The following ACOX3 variants were observed in gnomAD, a reference collection of about 807,000 sequenced individuals.
ACOX3 encodes the protein peroxisomal acyl-coenzyme A oxidase 3.
Under a neutral mutation model 81.5 loss-of-function variants are expected in ACOX3, and 73 were observed. The ratio of observed to expected loss-of-function variants is 0.90; its 90% CI spans 0.74 to 1.09. ACOX3 has a LOEUF of 1.09. Ranked by LOEUF, ACOX3 falls within the 50% of genes least tolerant of loss-of-function variation. ACOX3 has a pLI of 0.00. For synonymous variants in ACOX3, 387 were observed against 375.1 expected, an observed-to-expected ratio of 1.03 and a Z score of -0.37; for missense variants, 947 against 928.0, an observed-to-expected ratio of 1.02 and a Z score of -0.27.
chr4:8,368,284 T>C lies in ACOX3; in HGVS notation c.1984-1204A>G, dbSNP rs748484302. ...CAGACTTCACTGCTCTCAGCCTAAG[T>C]GGCCTCACTGGGAAGATGGGGAGAG... is the stretch of plus-strand genomic sequence containing the variant. On this transcript the variant is annotated intron_variant, in intron 17 of 17. Transcript: ENST00000356406. This position sits in a 1 kb window ranked among gnomAD's most constrained non-coding sequence, Gnocchi z 5.9. 3.9e-4 allele frequency among the ~76,000 whole-genome samples: 59 copies of C among 152,274 alleles called. 1 individual carries two copies. The highest frequency in any genetic ancestry group is 8.4e-4 in the African/African-American group (35 of 41,576).
At chr4:8,358,945 T>C in the ACOX3 span, among the ~76,000 whole-genome samples, 1 of 152,172 alleles carries the variant, frequency 6.6e-6, no homozygotes, top group Non-Finnish European at 1.5e-5. Flanking sequence ...CTGAATTCTT[T>C]CTTGCGTGAG....
chr4:8,382,017 G>A lies in ACOX3; in HGVS notation c.1538-410C>T, dbSNP rs1230958692. Among the ~76,000 whole-genome samples, 1 of 152,262 alleles carries A rather than the reference G, an allele frequency of 6.6e-6. No homozygotes were observed. The highest frequency in any genetic ancestry group is 1.5e-5 in the Non-Finnish European group (1 of 68,046). ...GACTGCATGGGCAGCAGGACAACTG[G>A]CCGGCGGTGGCGCCCAGTGGCGAGA... On this transcript the variant is annotated intron_variant, in intron 13 of 17. Transcript: ENST00000356406. This position sits in a 1 kb window ranked among gnomAD's most constrained non-coding sequence, Gnocchi z 4.1.
rs180750325 is a variant in ACOX3, at chr4:8,430,325, G to A, written c.-15+10323C>T. Among the ~76,000 whole-genome samples, 7 of 152,268 alleles carry A rather than the reference G, an allele frequency of 4.6e-5. No homozygotes were observed. Among genetic ancestry groups the A allele is most frequent in the Non-Finnish European group, 8.8e-5 (6 of 68,018 alleles). ...GTCTAGACTAGCCTTCCCAGCCAGG[G>A]GTCTATTGTGTTTTTGCAAAGGTCC... On this transcript the variant is annotated intron_variant, in intron 1 of 17. Coordinates refer to ENST00000356406, the MANE Select transcript of ACOX3 (RefSeq NM_003501.3). The surrounding 1 kb of genome is among the most constrained non-coding windows in gnomAD (Gnocchi z 5.2).
At chr4:8,395,637 TG>T (rs1245833899) in intron 9 of ACOX3, among the ~76,000 whole-genome samples, 1 of 152,218 alleles carries the variant, frequency 6.6e-6, no homozygotes, top group Non-Finnish European at 1.5e-5. Context: ...GGACCTTGCC[TG>T]GGGGCACACA....
At chr4:8,372,558 C>G (rs1716349715) in intron 16 of ACOX3, among the ~76,000 whole-genome samples, 1 of 152,236 alleles carries the variant, frequency 6.6e-6, no homozygotes, top group East Asian at 1.9e-4. Context: ...GAAAACCCCT[C>G]CCTGTGGCCA....
rs1184982678 is a variant in ACOX3, at chr4:8,368,432, A to G, written c.1984-1352T>C. ...TCTCCAGGGCCTGGGGAGGTGGTCT[A>G]TTGTGTATCCAGCTTACGCTGACCC... is the stretch of plus-strand genomic sequence containing the variant. On this transcript the variant is annotated intron_variant, in intron 17 of 17. Coordinates refer to ENST00000356406, the MANE Select transcript of ACOX3 (RefSeq NM_003501.3). The surrounding 1 kb of genome is among the most constrained non-coding windows in gnomAD (Gnocchi z 5.9). Among the ~76,000 whole-genome samples the G allele has an allele frequency of 1.3e-5, 2 of 152,208 alleles. No individual in the cohort carries two copies. The highest frequency in any genetic ancestry group is 2.9e-5 in the Non-Finnish European group (2 of 68,038).
chr4:8,424,125 G>T (rs1723223808), intron 1 of ACOX3, among the ~76,000 whole-genome samples: 1 of 152,198 alleles, frequency 6.6e-6, no homozygotes, highest in South Asian at 2.1e-4. Flanking sequence ...AGCCTATACT[G>T]GCTTATCCTT....
At chr4:8,371,610 C>T (rs73085873) in intron 16 of ACOX3, among the ~76,000 whole-genome samples, 11,020 of 152,336 alleles carry the variant, frequency 0.072, 933 homozygotes, top group African/African-American at 0.21. Context: ...GGAGACACCG[C>T]TAATGATATG....
At chr4:8,434,247 T>TA (rs1214408120) in intron 1 of ACOX3, among the ~76,000 whole-genome samples, 2 of 152,248 alleles carry the variant, frequency 1.3e-5, no homozygotes, top group African/African-American at 4.8e-5. Context: ...TGTAAGCCTT[T>TA]AAACAGGCCA....
chr4:8,439,295 C>G (rs113712428), intron 1 of ACOX3: 2 of 152,182 alleles, frequency 1.3e-5, no homozygotes, highest in Non-Finnish European at 2.9e-5. Context: ...GCAACAATTC[C>G]GAGTCTTTAA....
the ACOX3 span, chr4:8,356,524 A>C: frequency 6.7e-6 from 3 of 449,984 alleles, no homozygotes; most frequent in African/African-American, 6.0e-5. Context: ...TAAGTGGAAA[A>C]AGATGTCCAC....
At chr4:8,424,569 T>C (rs1434563435) in intron 1 of ACOX3, among the ~76,000 whole-genome samples, 2 of 152,214 alleles carry the variant, frequency 1.3e-5, no homozygotes, top group Admixed American at 6.5e-5. Context: ...GAGATCTTAC[T>C]GTGTGGATGT....
intron 7 of ACOX3, among the ~76,000 whole-genome samples, chr4:8,402,920 C>T (rs1720527657): frequency 1.3e-5 from 2 of 152,166 alleles, no homozygotes; most frequent in Non-Finnish European, 2.9e-5. Context: ...CCTGGAAGGG[C>T]CCCCCAAGCC....
At chr4:8,408,476 C>T (rs957713168) in intron 6 of ACOX3, among the ~76,000 whole-genome samples, 2 of 152,098 alleles carry the variant, frequency 1.3e-5, no homozygotes, top group Non-Finnish European at 2.9e-5. Context: ...CACAATCCTG[C>T]GGAGTGTTTT....
intron 7 of ACOX3, among the ~76,000 whole-genome samples, chr4:8,402,713 T>A (rs1720504099): frequency 6.6e-6 from 1 of 152,226 alleles, no homozygotes; most frequent in Admixed American, 6.5e-5. Flanking sequence ...GCGGGAGACG[T>A]GTGCGTGTGT....
At chr4:8,415,456 TA>T (rs1399823554) in intron 3 of ACOX3, among the ~76,000 whole-genome samples, 412 of 134,872 alleles carry the variant, frequency 3.1e-3, no homozygotes, top group Middle Eastern at 3.9e-3. Flanking sequence ...TTGTATGAGG[TA>T]AAAAAAAAAA....
intron 13 of ACOX3, among the ~76,000 whole-genome samples, chr4:8,383,688 A>G (rs1487094779): frequency 6.6e-6 from 1 of 152,156 alleles, no homozygotes; most frequent in African/African-American, 2.4e-5. Context: ...TGCTGCTGGC[A>G]GGCTGCCCAG....
Position 8,382,953 on chromosome 4 carries a change from T to C in ACOX3, c.1538-1346A>G, listed in dbSNP as rs1717866774. Among the ~76,000 whole-genome samples the C allele has an allele frequency of 7.3e-6, 1 of 136,296 alleles. No homozygotes were observed. Among genetic ancestry groups the C allele is most frequent in the African/African-American group, 2.8e-5 (1 of 35,792 alleles). 89.4% of individuals were successfully genotyped at this position (136,296 alleles called of 152,430 possible). A position where few individuals can be genotyped will look rare whatever the true frequency, so the allele number is the denominator to read the frequency against. On this transcript the variant is annotated intron_variant, in intron 13 of 17. Transcript: ENST00000356406. The surrounding 1 kb of genome is among the most constrained non-coding windows in gnomAD (Gnocchi z 4.1). ...TTGCAGTGAGCCGAGATCGCGCCAC[T>C]GCACTCCAGCCTGGGCGACAGAGCG...
chr4:8,375,673 C>G (rs1397524750), intron 14 of ACOX3, among the ~76,000 whole-genome samples: 3 of 152,264 alleles, frequency 2.0e-5, no homozygotes, highest in African/African-American at 4.8e-5. Flanking sequence ...TCCCTCTCCC[C>G]CTGCCGTAAG....
Sources: allele counts gnomAD v4.1 joint callset (sites outside exome capture counted in the v4.1 genomes callset), GRCh38; gene constraint gnomAD v4.1.1; non-coding constraint Gnocchi (gnomAD v3.1); transcripts MANE v1.5; gene names NCBI Gene and HGNC (gene_info 2026-07-23, HGNC 2026-07-21).